Variants in RAD23A observed in about 807,000 individuals in gnomAD.
The protein encoded by RAD23A is lysine-specific demethylase RAD23A.
A neutral mutation model predicts 44.8 loss-of-function variants in RAD23A; 16 were observed. The observed-to-expected ratio is 0.36, with a 90% CI of 0.24 to 0.54. The LOEUF is 0.54. Among genes scored for constraint, RAD23A ranks in the 20% least tolerant of loss-of-function variants. The pLI is 0.89. For synonymous variants in RAD23A, 217 were observed against 202.9 expected (o/e 1.07, Z -0.59); for missense variants, 380 against 483.3 (o/e 0.79, Z 2.00).
intron 1 of RAD23A, 128 bp from the exon 2 acceptor site, chr19:12,947,720 C>A: frequency 3.7e-6 from 3 of 810,992 alleles, no homozygotes; most frequent in Non-Finnish European, 6.0e-6. Context: ...GCTTTAGATG[C>A]TGAGAAAGCT....
chr19:12,948,310 G>T lies in RAD23A; in HGVS notation c.368G>T (p.Ser123Ile), dbSNP rs752825559. ...HPPPAAREDK[S>I]PSEESAPTTS... ...CCACCTGCCGCCAGAGAGGACAAGA[G>T]CCCATCAGAGGAATCCGCCCCCACG... The change falls in exon 3 of 9, where the codon AGC becomes ATC. Residue 123 changes from serine to isoleucine, a missense_variant. This residue lies in a region of RAD23A where 279 missense variants were observed against 313.7 expected (regional missense o/e 0.89). Transcript: ENST00000586534. The surrounding 1 kb of genome is among the most constrained non-coding windows in gnomAD (Gnocchi z 5.5). 37 of 1,611,638 alleles carry T rather than the reference G, an allele frequency of 2.3e-5. 1 individual carries two copies. In the South Asian group the frequency reaches 3.2e-4, roughly 14 times the overall value.
At chr19:12,949,037 C>T in intron 5 of RAD23A, 44 bp from the exon 6 acceptor site, 2 of 1,586,106 alleles carry the variant, frequency 1.3e-6, no homozygotes, top group African/African-American at 2.7e-5. Context: ...AGGAGGGTGG[C>T]AGCAGGAGGT....
chr19:12,948,592 CCAGCCAT>C lies in RAD23A; in HGVS notation c.472+45_472+51del, dbSNP rs1475566635. On this transcript the variant is annotated intron_variant, in intron 4 of 8. Transcript: ENST00000586534. This position sits in a 1 kb window ranked among gnomAD's most constrained non-coding sequence, Gnocchi z 5.5. ...CCCAGGGCAGAGGTGACTGGGTGCC[CCAGCCAT>C]CAGCTGGGCCTTGTCTGGGTGCGGG... 1.4e-5 allele frequency: 22 copies of C among 1,574,592 alleles called. No individual in the cohort carries two copies. The highest frequency in any genetic ancestry group is 1.9e-5 in the Non-Finnish European group (22 of 1,160,044).
chr19:12,949,193 T>G, intron 6 of RAD23A, 34 bp downstream of exon 6: 1 of 1,614,096 alleles, frequency 6.2e-7, no homozygotes, highest in Non-Finnish European at 8.5e-7. Flanking sequence ...GCCCTCCAGG[T>G]ACCTGACTCA....
Position 12,945,887 on chromosome 19 carries a change from C to T in RAD23A, c.-62C>T, listed in dbSNP as rs1418008764. 9 of 1,543,904 alleles carry T rather than the reference C, an allele frequency of 5.8e-6. No individual in the cohort carries two copies. Among genetic ancestry groups the T allele is most frequent in the Admixed American group, 1.7e-5 (1 of 58,674 alleles). ...GCGGCGCGCCTGGGCGCTAAGATGG[C>T]GGCGGCGTGAGTTGCATGTTGTGTG... On this transcript the variant is annotated 5_prime_UTR_variant, in exon 1 of 9. Transcript: ENST00000586534.
chr19:12,949,712 G>T (rs575991764), intron 7 of RAD23A: 9 of 461,180 alleles, frequency 2.0e-5, no homozygotes, highest in African/African-American at 1.4e-4. Context: ...TCCTGCCTCG[G>T]GGTGGGGTCC....
chr19:12,946,054 GA>G, intron 1 of RAD23A, 34 bp downstream of exon 1: 14 of 1,399,108 alleles, frequency 1.0e-5, no homozygotes, highest in Non-Finnish European at 1.3e-5. Context: ...GGGCGGGAGC[GA>G]CGGGTTTCGG....
At position 12,948,304 on chromosome 19, in the gene RAD23A, A is replaced by C; in HGVS notation, c.362A>C (p.Asp121Ala). ...CATCCCCCACCTGCCGCCAGAGAGG[A>C]CAAGAGCCCATCAGAGGAATCCGCC... is the stretch of plus-strand genomic sequence containing the variant. ...MSHPPPAARE[D>A]KSPSEESAPT... Residue 121 changes from aspartate (D) to alanine (A), a missense_variant, in exon 3 of 9, where the codon GAC (aspartate) becomes GCC (alanine). Asp to Ala is a moderately radical substitution (Grantham distance 126). This residue lies in a region of RAD23A where 279 missense variants were observed against 313.7 expected (regional missense o/e 0.89). Transcript: ENST00000586534. This position sits in a 1 kb window ranked among gnomAD's most constrained non-coding sequence, Gnocchi z 5.5. 6.2e-7 allele frequency: 1 copy of C among 1,612,418 alleles called. No homozygotes were observed. Among genetic ancestry groups the C allele is most frequent in the South Asian group, 1.1e-5 (1 of 90,976 alleles).
rs1034803679 is a variant in RAD23A, at chr19:12,945,871, C to T, written c.-78C>T. ...GTGGTCGGCGCGCGGCGCGGCGCGC[C>T]TGGGCGCTAAGATGGCGGCGGCGTG... On this transcript the variant is annotated 5_prime_UTR_variant, in exon 1 of 9. Transcript: ENST00000586534. 4 of 1,505,712 alleles carry T rather than the reference C, an allele frequency of 2.7e-6. No homozygotes were observed. The highest frequency in any genetic ancestry group is 2.3e-5 in the South Asian group (2 of 87,814). 93.3% of individuals were successfully genotyped at this position (1,505,712 alleles called of 1,614,324 possible). A position where few individuals can be genotyped will look rare whatever the true frequency, so the allele number is the denominator to read the frequency against.
intron 7 of RAD23A, among the ~76,000 whole-genome samples, chr19:12,952,005 C>G (rs1444695564): frequency 6.6e-6 from 1 of 151,788 alleles, no homozygotes; most frequent in African/African-American, 2.4e-5. Flanking sequence ...TCCCTGCAAC[C>G]TCTGCCTCCT....
At chr19:12,949,537 C>A in intron 7 of RAD23A, 129 bp downstream of exon 7, 1 of 1,292,632 alleles carries the variant, frequency 7.7e-7, no homozygotes, top group African/African-American at 1.5e-5. Context: ...TCCCCCACGC[C>A]CCTGTGCTTC....
chr19:12,953,578 C>T lies in RAD23A; in HGVS notation c.*529C>T, dbSNP rs1971875565. ...AACATCAGCTCATTGTCAAGGCCAC[C>T]CCCACCCCAGAACAGAACCGTGTCT... On this transcript the variant is annotated 3_prime_UTR_variant, in exon 9 of 9. Transcript: ENST00000586534. 1 of 153,812 alleles carries T rather than the reference C, an allele frequency of 6.5e-6. No homozygotes were observed. Among genetic ancestry groups the T allele is most frequent in the African/African-American group, 2.4e-5 (1 of 41,578 alleles). 9.5% of individuals were successfully genotyped at this position (153,812 alleles called of 1,614,324 possible).
intron 1 of RAD23A, among the ~76,000 whole-genome samples, 167 bp downstream of exon 1, chr19:12,946,187 C>T (rs1225176622): frequency 6.6e-6 from 1 of 152,204 alleles, no homozygotes; most frequent in Non-Finnish European, 1.5e-5. Context: ...GGTCTTTGGC[C>T]CAGCCCCCAG....
In RAD23A at chr19:12,948,261, C is replaced by G. The variant is rs773952708; in HGVS notation, c.319C>G (p.Pro107Ala). 4 of 1,613,556 alleles carry G rather than the reference C, an allele frequency of 2.5e-6. No homozygotes were observed. Among genetic ancestry groups the G allele is most frequent in the African/African-American group, 2.7e-5 (2 of 74,878 alleles). Residue 107 changes from proline (P) to alanine (A), a missense_variant, in exon 3 of 9, where the codon CCC becomes GCC. Around this residue, in one of 3 missense-constraint regions of RAD23A, gnomAD observed 279 missense variants for 313.7 expected, o/e 0.89. Coordinates refer to ENST00000586534, the MANE Select transcript of RAD23A (RefSeq NM_005053.4). The surrounding 1 kb of genome is among the most constrained non-coding windows in gnomAD (Gnocchi z 5.5). ...PESSTSFPPAPTSGMSHPPPA... is the reference protein window; with the variant it reads ...PESSTSFPPAATSGMSHPPPA... ...GTCCTCTACATCCTTCCCGCCTGCC[C>G]CCACCTCAGGCATGTCCCATCCCCC...
At chr19:12,949,865 C>T (rs1254361052) in intron 7 of RAD23A, among the ~76,000 whole-genome samples, 1 of 151,860 alleles carries the variant, frequency 6.6e-6, no homozygotes, top group Non-Finnish European at 1.5e-5. Context: ...TGAAGGTTCA[C>T]AGGAAGAGTG....
intron 7 of RAD23A, among the ~76,000 whole-genome samples, chr19:12,951,173 G>A (rs796628031): frequency 3.0e-4 from 46 of 152,282 alleles, no homozygotes; most frequent in African/African-American, 1.1e-3. Context: ...TAGAGACAGG[G>A]TCTATGTTGC....
chr19:12,947,949 T>A lies in RAD23A; in HGVS notation c.174T>A (p.Asp58Glu), dbSNP rs146958349. 1 of 1,614,048 alleles carries A rather than the reference T, an allele frequency of 6.2e-7. No homozygotes were observed. The highest frequency in any genetic ancestry group is 8.5e-7 in the Non-Finnish European group (1 of 1,180,006). Residue 58 changes from aspartate to glutamate, a missense_variant, in exon 2 of 9, where the codon GAT becomes GAA. Asp to Glu is a conservative substitution (Grantham distance 45, BLOSUM62 2). This residue lies in a region of RAD23A where 70 missense variants were observed against 106.0 expected (regional missense o/e 0.66). Coordinates refer to ENST00000586534, the MANE Select transcript of RAD23A (RefSeq NM_005053.4). ...ATGCCGGCAAGATCTTGAGTGACGA[T>A]GTCCCTATCAGGGACTATCGCATCG... ...LIYAGKILSD[D>E]VPIRDYRIDE... is the part of the protein sequence containing the mutation.
rs769098108 is a variant in RAD23A, at chr19:12,945,923, G to A, written c.-26G>A. ...GTTGCATGTTGTGTGAGGATCCCGG[G>A]GCCGCCGCGTCGCTCGGGCCCCGCC... On this transcript the variant is annotated 5_prime_UTR_variant, in exon 1 of 9. Transcript: ENST00000586534. 6.2e-7 allele frequency: 1 copy of A among 1,605,772 alleles called. No homozygotes were observed. Among genetic ancestry groups the A allele is most frequent in the East Asian group, 2.3e-5 (1 of 44,168 alleles).
At chr19:12,950,753 G>T (rs1198046394) in intron 7 of RAD23A, among the ~76,000 whole-genome samples, 1 of 152,038 alleles carries the variant, frequency 6.6e-6, no homozygotes, top group African/African-American at 2.4e-5. Flanking sequence ...GCATACAATG[G>T]TAGAGTTATA....
Sources: gnomAD v4.1 joint callset for allele counts (sites outside exome capture counted in the v4.1 genomes callset) on GRCh38, gnomAD v4.1.1 for gene constraint, gnomAD v4.1.1 regional missense constraint, Gnocchi (gnomAD v3.1) non-coding constraint, MANE v1.5 for transcripts, NCBI Gene and HGNC (gene_info 2026-07-23, HGNC 2026-07-21) for gene names.